The following C9 variants were observed in gnomAD, a reference collection of about 807,000 sequenced individuals.
The protein encoded by C9 is complement component C9.
C9 carries 63 observed loss-of-function variants against 65.4 expected under a neutral mutation model. That is an observed-to-expected ratio of 0.96 (90% CI 0.79 to 1.19). C9 has a LOEUF of 1.19. C9 is among the 50% of genes most tolerant of loss of function. C9 has a pLI of 0.00. For missense variants in C9, 744 were observed against 670.1 expected (o/e 1.11, Z -1.22); for synonymous variants, 229 against 227.9 (o/e 1.00, Z -0.04).
At chr5:39,334,412 C>T (rs1202231640) in intron 4 of C9, among the ~76,000 whole-genome samples, 1 of 150,216 alleles carries the variant, frequency 6.7e-6, no homozygotes, top group Admixed American at 6.6e-5. Context: ...GCCCCTCCGC[C>T]CGGCAGCCGC....
chr5:39,308,139 A>G, intron 8 of C9, 91 bp downstream of exon 8: 1 of 1,173,032 alleles, frequency 8.5e-7, no homozygotes. Flanking sequence ...CAAAGAGGAC[A>G]GACAATTAAG....
intron 5 of C9, among the ~76,000 whole-genome samples, chr5:39,317,116 C>T (rs563873163): frequency 1.3e-5 from 2 of 152,142 alleles, no homozygotes; most frequent in African/African-American, 4.8e-5. Flanking sequence ...AGCTTTTTTT[C>T]ATATGTTTGT....
intron 6 of C9, 128 bp downstream of exon 6, chr5:39,315,647 T>C: frequency 1.4e-6 from 1 of 698,358 alleles, no homozygotes; most frequent in Non-Finnish European, 2.4e-6. Context: ...TCTGACGTGC[T>C]AGCTACATAT....
chr5:39,331,864 C>G, intron 4 of C9, 50 bp from the exon 5 acceptor site: 1 of 1,541,498 alleles, frequency 6.5e-7, no homozygotes, highest in Non-Finnish European at 9.0e-7. Context: ...CAACACAATG[C>G]AAGGCAGCCC....
intron 5 of C9, among the ~76,000 whole-genome samples, chr5:39,324,863 G>A (rs1307470153): frequency 6.6e-6 from 1 of 152,212 alleles, no homozygotes; most frequent in East Asian, 1.9e-4. Context: ...ACAGATGTTG[G>A]AGAAGCTAGA....
At chr5:39,357,937 A>G (rs1754440414) in intron 1 of C9, among the ~76,000 whole-genome samples, 1 of 152,138 alleles carries the variant, frequency 6.6e-6, no homozygotes, top group Admixed American at 6.5e-5. Context: ...ACCACTGTGT[A>G]CGAAGCCACC....
intron 1 of C9, among the ~76,000 whole-genome samples, chr5:39,360,427 C>T (rs1007247727): frequency 6.6e-6 from 1 of 151,988 alleles, no homozygotes; most frequent in Non-Finnish European, 1.5e-5. Context: ...TCTTCTAAAC[C>T]CCAATCTAGT....
intron 5 of C9, among the ~76,000 whole-genome samples, chr5:39,318,816 G>A (rs1201819809): frequency 6.6e-6 from 1 of 152,106 alleles, no homozygotes; most frequent in Non-Finnish European, 1.5e-5. Flanking sequence ...AAGACATGTT[G>A]AAGAAACTGC....
intron 1 of C9, among the ~76,000 whole-genome samples, chr5:39,364,162 G>A (rs1754573317): frequency 6.6e-6 from 1 of 152,086 alleles, no homozygotes; most frequent in South Asian, 2.1e-4. Flanking sequence ...CTTAACATTT[G>A]AGTGCCTTGT....
intron 9 of C9, among the ~76,000 whole-genome samples, chr5:39,294,036 AC>A (rs1272232310): frequency 2.0e-5 from 3 of 151,904 alleles, no homozygotes; most frequent in Non-Finnish European, 4.4e-5. Flanking sequence ...ACATACCAAA[AC>A]TGACGATACA....
intron 9 of C9, among the ~76,000 whole-genome samples, chr5:39,300,631 C>G (rs1292958967): frequency 6.6e-6 from 1 of 151,644 alleles, no homozygotes; most frequent in Non-Finnish European, 1.5e-5. Context: ...AAAACATTTA[C>G]TAGAAATAAA....
At chr5:39,350,891 C>T (rs2111974224) in intron 1 of C9, among the ~76,000 whole-genome samples, 1 of 152,280 alleles carries the variant, frequency 6.6e-6, no homozygotes, top group African/African-American at 2.4e-5. Flanking sequence ...GGCAGTGCCC[C>T]AGTAGGGACT....
At chr5:39,301,213 A>G (rs1753274514) in intron 9 of C9, among the ~76,000 whole-genome samples, 1 of 152,196 alleles carries the variant, frequency 6.6e-6, no homozygotes, top group African/African-American at 2.4e-5. Context: ...CCAAATATGC[A>G]TAACCTTAAC....
At position 39,338,296 on chromosome 5, in the gene C9, C is replaced by T. The variant is rs145747351; in HGVS notation, c.476+2850G>A. 3.6e-3 allele frequency among the ~76,000 whole-genome samples: 544 copies of T among 152,090 alleles called. 4 individuals are homozygous for T. Among genetic ancestry groups the T allele is most frequent in the African/African-American group, 0.012 (499 of 41,460 alleles). ...GGATTTTGTAGTGATGTGAGGGAAC[C>T]GCTGTGGGTGTTGGTTGGGGTTTTA... On this transcript the variant is annotated intron_variant, in intron 4 of 10. Coordinates refer to ENST00000263408, the MANE Select transcript of C9 (RefSeq NM_001737.5).
chr5:39,358,694 G>A (rs1397681577), intron 1 of C9, among the ~76,000 whole-genome samples: 1 of 152,018 alleles, frequency 6.6e-6, no homozygotes, highest in Non-Finnish European at 1.5e-5. Context: ...TATGTTTAAA[G>A]ATAGTACCGG....
chr5:39,359,025 T>A (rs1188046428), intron 1 of C9, among the ~76,000 whole-genome samples: 3,591 of 59,972 alleles, frequency 0.06, 99 homozygotes, highest in Middle Eastern at 0.14. Context: ...AAAATATATA[T>A]ATATATATAT....
At chr5:39,331,464 A>G (rs1753838266) in intron 5 of C9, among the ~76,000 whole-genome samples, 1 of 152,186 alleles carries the variant, frequency 6.6e-6, no homozygotes, top group Non-Finnish European at 1.5e-5. Context: ...GGTATTTGCC[A>G]CATCTTTATC....
intron 1 of C9, among the ~76,000 whole-genome samples, chr5:39,351,864 C>T (rs78787084): frequency 6.6e-6 from 1 of 152,160 alleles, no homozygotes; most frequent in Non-Finnish European, 1.5e-5. Flanking sequence ...CTGCCTGTTA[C>T]CCAGTTCCAA....
At chr5:39,348,234 A>G (rs1240222824) in intron 1 of C9, among the ~76,000 whole-genome samples, 1 of 152,130 alleles carries the variant, frequency 6.6e-6, no homozygotes, top group Admixed American at 6.5e-5. Context: ...CGAACAGGCA[A>G]CCTACAGAAT....
Sources: gnomAD v4.1 joint callset for allele counts (sites outside exome capture counted in the v4.1 genomes callset) on GRCh38, gnomAD v4.1.1 for gene constraint, MANE v1.5 for transcripts, NCBI Gene and HGNC (gene_info 2026-07-23, HGNC 2026-07-21) for gene names.